Variants in MAP4K4 observed in about 807,000 individuals in gnomAD.
MAP4K4 encodes the protein HPK/GCK-like kinase HGK.
In MAP4K4, 38 loss-of-function variants were observed where a neutral mutation model predicts 189.6. The observed-to-expected ratio is 0.20, with a 90% CI of 0.15 to 0.26. The LOEUF is 0.26. MAP4K4 is among the 10% of genes least tolerant of loss of function. The probability of loss-of-function intolerance (pLI) is 1.00; values close to 1 mark genes in which losing one functional copy is unlikely to be tolerated. For synonymous variants in MAP4K4, 610 were observed against 624.3 expected (o/e 0.98, Z 0.34); for missense variants, 1,054 against 1,726.9 (o/e 0.61, Z 6.91).
intron 30 of MAP4K4, 104 bp downstream of exon 30, chr2:101,887,341 C>G (rs1258048241): frequency 8.3e-7 from 1 of 1,201,658 alleles, no homozygotes; most frequent in Non-Finnish European, 1.2e-6. Context: ...GATTCATTTC[C>G]CCTTGGTGTG....
intron 2 of MAP4K4, among the ~76,000 whole-genome samples, chr2:101,711,301 G>T (rs1559045584): frequency 6.6e-6 from 1 of 151,942 alleles, no homozygotes; most frequent in Non-Finnish European, 1.5e-5. Context: ...AAAAGATAAA[G>T]TTTTTTTGCT....
At chr2:101,823,679 C>T (rs1412235831) in intron 3 of MAP4K4, among the ~76,000 whole-genome samples, 1 of 152,162 alleles carries the variant, frequency 6.6e-6, no homozygotes, top group Non-Finnish European at 1.5e-5. Context: ...CGGGCAGTCC[C>T]CTCGCACTAT....
chr2:101,815,201 T>A (rs74757542), intron 3 of MAP4K4, among the ~76,000 whole-genome samples: 8,337 of 152,262 alleles, frequency 0.055, 261 homozygotes, highest in African/African-American at 0.073. Flanking sequence ...ATTTTTTTTT[T>A]AAATTATGAT....
chr2:101,860,664 C>G (rs1237365600), intron 15 of MAP4K4, 161 bp from the exon 16 acceptor site: 2 of 599,140 alleles, frequency 3.3e-6, no homozygotes, highest in Non-Finnish European at 5.8e-6. Flanking sequence ...AATCCTAGCA[C>G]TGCTTTATGT....
intron 9 of MAP4K4, among the ~76,000 whole-genome samples, chr2:101,839,428 T>C (rs1273295557): frequency 6.6e-6 from 1 of 152,216 alleles, no homozygotes; most frequent in Non-Finnish European, 1.5e-5. Flanking sequence ...TCTGTCCTTG[T>C]CTTCTAGGTA....
chr2:101,871,061 A>G (rs1354339736), intron 23 of MAP4K4, among the ~76,000 whole-genome samples: 2 of 152,210 alleles, frequency 1.3e-5, no homozygotes, highest in Non-Finnish European at 2.9e-5. Context: ...CAGGGCACCT[A>G]TTTAGTATTT....
chr2:101,779,998 A>C (rs1182038850), intron 2 of MAP4K4, among the ~76,000 whole-genome samples: 1 of 152,230 alleles, frequency 6.6e-6, no homozygotes. Context: ...CAACACAACA[A>C]CAGAAGTAGT....
intron 2 of MAP4K4, among the ~76,000 whole-genome samples, chr2:101,708,062 A>G (rs1020885662): frequency 6.6e-6 from 1 of 152,018 alleles, no homozygotes; most frequent in Non-Finnish European, 1.5e-5. Context: ...TGCCCAGGTT[A>G]CTGGACTAAA....
At chr2:101,764,947 A>G (rs1333002083) in intron 2 of MAP4K4, among the ~76,000 whole-genome samples, 3 of 152,224 alleles carry the variant, frequency 2.0e-5, no homozygotes, top group Admixed American at 1.3e-4. Context: ...GGACAAACTA[A>G]CATTATGTAA....
At chr2:101,710,317 C>T (rs1430754924) in intron 2 of MAP4K4, among the ~76,000 whole-genome samples, 1 of 152,190 alleles carries the variant, frequency 6.6e-6, no homozygotes, top group Non-Finnish European at 1.5e-5. Context: ...TCTATATGTA[C>T]ACATTTTCTC....
rs1435049331 is a variant in MAP4K4, at chr2:101,864,924, T to C, written c.2098-6T>C. On this transcript the variant is annotated splice_polypyrimidine_tract_variant and splice_region_variant and intron_variant, in intron 17 of 32. Coordinates refer to ENST00000324219, the Ensembl canonical transcript of MAP4K4. Reference sequence around the variant, plus strand: ...ATAATTTAATTGCTATATTTTCTACTTAAAGGTTCCTGTGAGAACAACATC... The same window carrying C: ...ATAATTTAATTGCTATATTTTCTACCTAAAGGTTCCTGTGAGAACAACATC... 1 of 1,540,470 alleles carries C rather than the reference T, an allele frequency of 6.5e-7. No individual in the cohort carries two copies. The highest frequency in any genetic ancestry group is 8.8e-7 in the Non-Finnish European group (1 of 1,137,764).
intron 2 of MAP4K4, among the ~76,000 whole-genome samples, chr2:101,702,136 T>A (rs2039179115): frequency 6.6e-6 from 1 of 152,180 alleles, no homozygotes; most frequent in African/African-American, 2.4e-5. Flanking sequence ...GCTGGGATTG[T>A]ATACAGGCAT....
intron 3 of MAP4K4, among the ~76,000 whole-genome samples, chr2:101,795,347 C>G (rs1054006198): frequency 2.0e-5 from 3 of 152,146 alleles, no homozygotes; most frequent in Admixed American, 2.0e-4. Flanking sequence ...ATTTATTAGT[C>G]AACAACAATC....
chr2:101,760,146 G>GCTTTTT (rs1161740698), intron 2 of MAP4K4, among the ~76,000 whole-genome samples: 3 of 151,982 alleles, frequency 2.0e-5, no homozygotes, highest in African/African-American at 7.2e-5. Flanking sequence ...GTGTCAGCCA[G>GCTTTTT]CTTTTTCTTT....
chr2:101,702,682 C>A (rs1277079013), intron 2 of MAP4K4, among the ~76,000 whole-genome samples: 1 of 152,152 alleles, frequency 6.6e-6, no homozygotes, highest in African/African-American at 2.4e-5. Context: ...AGTTTAGAAT[C>A]CAGCAGGTAA....
At chr2:101,761,956 C>A (rs1402447807) in intron 2 of MAP4K4, among the ~76,000 whole-genome samples, 2 of 152,170 alleles carry the variant, frequency 1.3e-5, no homozygotes, top group Non-Finnish European at 2.9e-5. Context: ...AATTGGAGAA[C>A]AGTGGGTTAG....
chr2:101,856,321 AG>A (rs2097457474), intron 13 of MAP4K4, among the ~76,000 whole-genome samples, 183 bp downstream of exon 13: 1 of 152,214 alleles, frequency 6.6e-6, no homozygotes, highest in South Asian at 2.1e-4. Context: ...CAATAAATTC[AG>A]TCTCTTGTCT....
intron 3 of MAP4K4, among the ~76,000 whole-genome samples, chr2:101,818,749 A>G (rs978088763): frequency 1.3e-5 from 2 of 152,156 alleles, no homozygotes; most frequent in African/African-American, 4.8e-5. Context: ...ACAGCCTGCA[A>G]GGCAACTAAA....
At chr2:101,833,436 C>T (rs1290514883) in intron 7 of MAP4K4, among the ~76,000 whole-genome samples, 1 of 151,568 alleles carries the variant, frequency 6.6e-6, no homozygotes, top group Non-Finnish European at 1.5e-5. Context: ...CTGGCTAACC[C>T]GGTGAAACCC....
Sources: allele counts gnomAD v4.1 joint callset (sites outside exome capture counted in the v4.1 genomes callset), GRCh38; gene constraint gnomAD v4.1.1; transcripts MANE v1.5; gene names NCBI Gene and HGNC (gene_info 2026-07-23, HGNC 2026-07-21).